The following SBF2 variants were observed in gnomAD, a reference collection of about 807,000 sequenced individuals.
SBF2 encodes the protein myotubularin-related protein 13.
SBF2 carries 112 observed loss-of-function variants against 225.2 expected under a neutral mutation model. That is an observed-to-expected ratio of 0.50 (90% CI 0.43 to 0.58). The LOEUF (loss-of-function observed/expected upper bound fraction) is 0.58. Among genes scored for constraint, SBF2 ranks in the 20% least tolerant of loss-of-function variants. SBF2 has a pLI of 0.00. For missense variants in SBF2, 1,996 were observed against 2,206.2 expected, an observed-to-expected ratio of 0.90 and a Z score of 1.91; for synonymous variants, 763 against 773.3, an observed-to-expected ratio of 0.99 and a Z score of 0.22.
At chr11:10,209,418 TTC>T (rs1255890685) in intron 1 of SBF2, among the ~76,000 whole-genome samples, 8 of 152,044 alleles carry the variant, frequency 5.3e-5, no homozygotes, top group African/African-American at 1.9e-4. Flanking sequence ...TGCTCAACTC[TTC>T]TCTCAAACGC....
At chr11:10,229,414 A>G (rs1017006279) in intron 1 of SBF2, among the ~76,000 whole-genome samples, 5 of 152,092 alleles carry the variant, frequency 3.3e-5, no homozygotes, top group Non-Finnish European at 4.4e-5. Context: ...TTAGGGTGTC[A>G]ATTTTAGATC....
At chr11:9,968,614 T>A in intron 13 of SBF2, 69 bp from the exon 14 acceptor site, 2 of 1,296,782 alleles carry the variant, frequency 1.5e-6, no homozygotes, top group Non-Finnish European at 2.2e-6. Context: ...AGGAAGGGAG[T>A]GGGAGCTTAC....
At chr11:10,041,827 C>T (rs1949667581) in intron 3 of SBF2, among the ~76,000 whole-genome samples, 1 of 99,662 alleles carries the variant, frequency 1.0e-5, no homozygotes, top group Non-Finnish European at 2.9e-5. Context: ...GCAGAAACTA[C>T]AGTAGATTAT....
chr11:10,038,409 A>T (rs1949528241), intron 3 of SBF2, among the ~76,000 whole-genome samples: 2 of 151,988 alleles, frequency 1.3e-5, no homozygotes, highest in African/African-American at 4.8e-5. Flanking sequence ...TAAGCACTAC[A>T]ATCTTTTTTC....
chr11:10,274,333 C>G (rs1000366253), intron 1 of SBF2, among the ~76,000 whole-genome samples: 4 of 152,174 alleles, frequency 2.6e-5, no homozygotes, highest in Non-Finnish European at 5.9e-5. Flanking sequence ...GTGACAAAAT[C>G]TGAAGAGATA....
At position 9,891,239 on chromosome 11, in the gene SBF2, T is replaced by C. The variant is rs150774402; in HGVS notation, c.1929+4704A>G. Among the ~76,000 whole-genome samples, 92 of 152,334 alleles carry C rather than the reference T, an allele frequency of 6.0e-4. No homozygotes were observed. In the East Asian group the frequency reaches 0.017, roughly 28 times the overall value. ...AAGGAATAATACAAAAGTATGCTAC[T>C]GTGGTTCTATTTCTGCTCTACTGGG... On this transcript the variant is annotated intron_variant, in intron 17 of 39. Transcript: ENST00000256190.
At chr11:10,173,318 C>G (rs530651079) in intron 2 of SBF2, among the ~76,000 whole-genome samples, 2 of 152,108 alleles carry the variant, frequency 1.3e-5, no homozygotes, top group African/African-American at 4.8e-5. Flanking sequence ...GTGCGCAAGC[C>G]GAAGCAGGGC....
At chr11:9,995,125 T>C (rs1045291102) in intron 9 of SBF2, among the ~76,000 whole-genome samples, 3 of 151,984 alleles carry the variant, frequency 2.0e-5, no homozygotes, top group African/African-American at 7.2e-5. Context: ...TATAAAACTA[T>C]GTCACAGAAG....
At chr11:9,862,103 A>G (rs1199043520) in intron 17 of SBF2, among the ~76,000 whole-genome samples, 1 of 152,228 alleles carries the variant, frequency 6.6e-6, no homozygotes, top group Non-Finnish European at 1.5e-5. Context: ...AACAGAGAAA[A>G]TAAGTGCCTG....
intron 6 of SBF2, among the ~76,000 whole-genome samples, chr11:10,017,873 A>G (rs1948710464): frequency 3.3e-5 from 5 of 152,230 alleles, no homozygotes; most frequent in Admixed American, 2.6e-4. Flanking sequence ...AAAAAGGTGC[A>G]GCATCTTTAC....
At chr11:9,787,797 A>G (rs1852472571) in intron 35 of SBF2, 59 bp from the exon 36 acceptor site, 1 of 1,397,404 alleles carries the variant, frequency 7.2e-7, no homozygotes, top group Middle Eastern at 1.8e-4. Context: ...ATGGGCCCCA[A>G]AGCCACACTG....
chr11:9,884,650 T>G (rs1860109351), intron 17 of SBF2, among the ~76,000 whole-genome samples: 1 of 152,176 alleles, frequency 6.6e-6, no homozygotes, highest in African/African-American at 2.4e-5. Context: ...GCCACAGAGC[T>G]GTGGGTGCAC....
At chr11:10,021,427 CA>C (rs1266937000) in intron 6 of SBF2, among the ~76,000 whole-genome samples, 1 of 151,380 alleles carries the variant, frequency 6.6e-6, no homozygotes, top group Non-Finnish European at 1.5e-5. Flanking sequence ...AAAAATAGTT[CA>C]CATAGGCTGC....
intron 2 of SBF2, among the ~76,000 whole-genome samples, chr11:10,168,669 T>C (rs1221409192): frequency 6.6e-6 from 1 of 152,232 alleles, no homozygotes; most frequent in African/African-American, 2.4e-5. Flanking sequence ...GTTAATAGAA[T>C]GAGTGGAAGA....
At chr11:10,151,362 C>A (rs1237848148) in intron 2 of SBF2, among the ~76,000 whole-genome samples, 1 of 152,156 alleles carries the variant, frequency 6.6e-6, no homozygotes, top group Non-Finnish European at 1.5e-5. Flanking sequence ...ATTAGGATTC[C>A]TTTCCTCCCC....
chr11:9,861,650 T>C (rs360160), intron 17 of SBF2, among the ~76,000 whole-genome samples: 127,452 of 145,688 alleles, frequency 0.87, 55,937 homozygotes, highest in African/African-American at 0.91. Context: ...GGCAACAGAG[T>C]GAGACTCCAT....
chr11:10,235,773 T>C (rs1227870942), intron 1 of SBF2, among the ~76,000 whole-genome samples: 1 of 152,172 alleles, frequency 6.6e-6, no homozygotes, highest in Non-Finnish European at 1.5e-5. Context: ...CATTGCTGCA[T>C]CTAGATATCC....
At chr11:10,109,622 T>TA (rs1952739499) in intron 2 of SBF2, among the ~76,000 whole-genome samples, 1 of 152,194 alleles carries the variant, frequency 6.6e-6, no homozygotes, top group Non-Finnish European at 1.5e-5. Context: ...GGTAGACACT[T>TA]AGAATAATTA....
intron 1 of SBF2, among the ~76,000 whole-genome samples, chr11:10,258,599 C>T (rs969126559): frequency 3.9e-5 from 6 of 152,168 alleles, no homozygotes; most frequent in Admixed American, 1.3e-4. Context: ...AGGACAGTTA[C>T]TAATCAGTAA....
Sources: allele counts gnomAD v4.1 joint callset (sites outside exome capture counted in the v4.1 genomes callset), GRCh38; gene constraint gnomAD v4.1.1; transcripts MANE v1.5; gene names NCBI Gene and HGNC (gene_info 2026-07-23, HGNC 2026-07-21).